CREB5: variants seen among roughly 807,000 people sequenced by gnomAD.
CREB5 encodes the protein cyclic AMP-responsive element-binding protein 5.
A neutral mutation model predicts 57.1 loss-of-function variants in CREB5; 19 were observed. That is an observed-to-expected ratio of 0.33 (90% confidence interval 0.23 to 0.49). The LOEUF (loss-of-function observed/expected upper bound fraction) is 0.49. Among genes scored for constraint, CREB5 ranks in the 20% least tolerant of loss-of-function variants. The pLI is 0.99. For missense variants in CREB5, 579 were observed against 671.6 expected (o/e 0.86, Z 1.52); for synonymous variants, 238 against 238.3 (o/e 1.00, Z 0.01).
intron 1 of CREB5, among the ~76,000 whole-genome samples, chr7:28,439,665 G>C (rs557487709): frequency 6.6e-5 from 10 of 152,266 alleles, no homozygotes; most frequent in Admixed American, 4.6e-4. Flanking sequence ...CTCAGGACCT[G>C]TATTCTTAAT....
chr7:28,574,604 A>G (rs1483005456), intron 5 of CREB5, among the ~76,000 whole-genome samples: 2 of 152,242 alleles, frequency 1.3e-5, no homozygotes, highest in Non-Finnish European at 1.5e-5. Context: ...TTGGAGTTCT[A>G]CAAGAATGGA....
At chr7:28,340,770 T>A (rs1390684892) in intron 1 of CREB5, among the ~76,000 whole-genome samples, 1 of 152,168 alleles carries the variant, frequency 6.6e-6, no homozygotes, top group Non-Finnish European at 1.5e-5. Context: ...CCCAGAACAC[T>A]TTAGCCTGCA....
rs1179857748 is a variant in CREB5, at chr7:28,597,678, CCT to C, written c.464+27149_464+27150del. 2.6e-5 allele frequency among the ~76,000 whole-genome samples: 4 copies of C among 152,092 alleles called. No individual in the cohort carries two copies. The East Asian group carries it at 7.7e-4, about 29-fold the overall frequency. Reference sequence around the variant, plus strand: ...TTGTCTCATCCTAGAATGACATCAACCTCTCTCTCAACTCTAGAGCCTCCCCA... The same window carrying C: ...TTGTCTCATCCTAGAATGACATCAACCTCTCTCAACTCTAGAGCCTCCCCA... On this transcript the variant is annotated intron_variant, in intron 5 of 10. Transcript: ENST00000357727.
At chr7:28,639,494 ATATATT>A (rs1325285969) in intron 5 of CREB5, among the ~76,000 whole-genome samples, 1 of 152,172 alleles carries the variant, frequency 6.6e-6, no homozygotes, top group Non-Finnish European at 1.5e-5. Flanking sequence ...GCATTGAACA[ATATATT>A]TAAATTTAAT....
At chr7:28,342,971 T>A (rs1785965723) in intron 1 of CREB5, among the ~76,000 whole-genome samples, 1 of 152,048 alleles carries the variant, frequency 6.6e-6, no homozygotes, top group South Asian at 2.1e-4. Context: ...GATGGAGTCT[T>A]GCTCTGTCGC....
At chr7:28,455,127 C>T (rs1171545398) in intron 1 of CREB5, among the ~76,000 whole-genome samples, 2 of 152,226 alleles carry the variant, frequency 1.3e-5, no homozygotes, top group African/African-American at 4.8e-5. Context: ...GTGAAACCTA[C>T]TTCAAGTCAT....
chr7:28,761,788 G>A (rs1805676050), intron 7 of CREB5, among the ~76,000 whole-genome samples: 1 of 151,776 alleles, frequency 6.6e-6, no homozygotes. Context: ...GTGTGGAGGG[G>A]TCAAAGGTGA....
chr7:28,608,113 TCACACACA>T (rs61349634), intron 5 of CREB5, among the ~76,000 whole-genome samples: 55,298 of 142,050 alleles, frequency 0.39, 11,378 homozygotes, highest in African/African-American at 0.49. Context: ...TCTCTCTCTC[TCACACACA>T]CTCACACACA....
At chr7:28,530,291 T>C (rs74738122) in intron 4 of CREB5, among the ~76,000 whole-genome samples, 3,337 of 152,252 alleles carry the variant, frequency 0.022, 96 homozygotes, top group African/African-American at 0.075. Context: ...CTGGAAGGTG[T>C]TGAAAGACAT....
At chr7:28,579,743 G>A (rs1045888565) in intron 5 of CREB5, among the ~76,000 whole-genome samples, 1 of 152,162 alleles carries the variant, frequency 6.6e-6, no homozygotes, top group Non-Finnish European at 1.5e-5. Context: ...TCTATGGAAT[G>A]CATGAACATT....
chr7:28,606,083 C>T (rs1393895490), intron 5 of CREB5, among the ~76,000 whole-genome samples: 1 of 152,168 alleles, frequency 6.6e-6, no homozygotes, highest in Non-Finnish European at 1.5e-5. Context: ...GAAAGCATTA[C>T]TACCAGCTCT....
chr7:28,577,722 G>A (rs896598549), intron 5 of CREB5, among the ~76,000 whole-genome samples: 14 of 152,110 alleles, frequency 9.2e-5, no homozygotes, highest in African/African-American at 3.4e-4. Context: ...CTTTAAAATT[G>A]GGGGGTGGGG....
At chr7:28,753,684 ATATT>A (rs1805113250) in intron 7 of CREB5, among the ~76,000 whole-genome samples, 1 of 152,202 alleles carries the variant, frequency 6.6e-6, no homozygotes, top group Non-Finnish European at 1.5e-5. Flanking sequence ...TTTATTCCAA[ATATT>A]TATGTGTATA....
intron 3 of CREB5, among the ~76,000 whole-genome samples, chr7:28,496,846 T>G (rs1792079959): frequency 6.6e-6 from 1 of 152,182 alleles, no homozygotes; most frequent in Non-Finnish European, 1.5e-5. Flanking sequence ...TTGGTCTCCT[T>G]TTAAGTCTAC....
chr7:28,602,560 A>G lies in CREB5; in HGVS notation c.464+32023A>G, dbSNP rs181224741. Among the ~76,000 whole-genome samples the G allele has an allele frequency of 2.6e-5, 4 of 152,320 alleles. No individual in the cohort carries two copies. The East Asian group carries it at 7.7e-4, about 29-fold the overall frequency. On this transcript the variant is annotated intron_variant, in intron 5 of 10. Transcript: ENST00000357727. ...GTAACAAACAATTGATATATATGAT[A>G]ACTTGTATGGACCTCAGAGGAATTA...
At chr7:28,559,395 A>G (rs1489897782) in intron 4 of CREB5, among the ~76,000 whole-genome samples, 2 of 152,086 alleles carry the variant, frequency 1.3e-5, no homozygotes, top group Non-Finnish European at 2.9e-5. Context: ...GCTCACTGCA[A>G]CCTCTGCCTC....
At chr7:28,468,110 C>A (rs938896792) in intron 1 of CREB5, among the ~76,000 whole-genome samples, 1 of 152,148 alleles carries the variant, frequency 6.6e-6, no homozygotes, top group Non-Finnish European at 1.5e-5. Flanking sequence ...GTAAGGAGAA[C>A]TTACCACTGG....
chr7:28,810,787 A>G lies in CREB5; in HGVS notation c.1254+1373A>G, dbSNP rs1461769828. Among the ~76,000 whole-genome samples, 3 of 152,214 alleles carry G rather than the reference A, an allele frequency of 2.0e-5. No individual in the cohort carries two copies. In the East Asian group the frequency reaches 5.8e-4, roughly 29 times the overall value. On this transcript the variant is annotated intron_variant, in intron 9 of 10. Coordinates refer to ENST00000357727, the MANE Select transcript of CREB5 (RefSeq NM_182898.4). ...GTTCTCTGTGCATCCTTAGAAAGGA[A>G]CAGTTAGGGTGCCAAACCCCAAAGC...
At chr7:28,423,125 C>T (rs1562706611) in intron 1 of CREB5, among the ~76,000 whole-genome samples, 1 of 152,160 alleles carries the variant, frequency 6.6e-6, no homozygotes, top group East Asian at 1.9e-4. Context: ...TCCTCTCTGC[C>T]TCCATGCTAG....
Sources: allele counts gnomAD v4.1 joint callset (sites outside exome capture counted in the v4.1 genomes callset), GRCh38; gene constraint gnomAD v4.1.1; transcripts MANE v1.5; gene names NCBI Gene and HGNC (gene_info 2026-07-23, HGNC 2026-07-21).